The following HERC4 variants were observed in gnomAD, a reference collection of about 807,000 sequenced individuals.
HERC4 encodes the protein HECT and RLD domain containing E3 ubiquitin protein ligase 4.
HERC4 carries 28 observed loss-of-function variants against 124.3 expected under a neutral mutation model. The ratio of observed to expected loss-of-function variants is 0.23; its 90% CI spans 0.17 to 0.31. The LOEUF (loss-of-function observed/expected upper bound fraction) is 0.31, where lower values mean the gene tolerates loss of function less well. HERC4 is among the 10% of genes least tolerant of loss of function. The probability of loss-of-function intolerance (pLI) is 1.00; values close to 1 mark genes in which losing one functional copy is unlikely to be tolerated. For synonymous variants in HERC4, 407 were observed against 421.5 expected, an observed-to-expected ratio of 0.97 and a Z score of 0.42; for missense variants, 713 against 1,229.3, an observed-to-expected ratio of 0.58 and a Z score of 6.28.
intron 9 of HERC4, among the ~76,000 whole-genome samples, chr10:68,012,731 T>C (rs113747738): frequency 0.014 from 2,166 of 152,250 alleles, 53 homozygotes; most frequent in African/African-American, 0.049. Context: ...AGTGAGCATA[T>C]ATGCTGTTGG....
chr10:68,072,731 C>A (rs1246368715), intron 3 of HERC4, 152 bp downstream of exon 3: 1 of 545,986 alleles, frequency 1.8e-6, no homozygotes, highest in Non-Finnish European at 3.1e-6. Context: ...TAGAACCATA[C>A]AAATATACAC....
intron 3 of HERC4, among the ~76,000 whole-genome samples, chr10:68,046,029 G>A (rs10509293): frequency 0.095 from 14,287 of 150,802 alleles, 908 homozygotes; most frequent in Middle Eastern, 0.18. Context: ...AGTACATGAA[G>A]TTTATTACAC....
intron 9 of HERC4, among the ~76,000 whole-genome samples, chr10:68,013,093 G>A (rs2038064555): frequency 1.3e-5 from 2 of 152,172 alleles, no homozygotes; most frequent in Non-Finnish European, 2.9e-5. Flanking sequence ...GGGCAACCCT[G>A]CATAGAACAA....
At chr10:67,988,929 G>A (rs1196698884) in intron 14 of HERC4, 94 bp from the exon 15 acceptor site, 3 of 970,104 alleles carry the variant, frequency 3.1e-6, no homozygotes, top group Non-Finnish European at 4.8e-6. Flanking sequence ...AACAGTAGTT[G>A]TTAAACCTGA....
At chr10:67,997,318 T>C (rs1255688984) in intron 9 of HERC4, among the ~76,000 whole-genome samples, 1 of 152,250 alleles carries the variant, frequency 6.6e-6, no homozygotes, top group Non-Finnish European at 1.5e-5. Flanking sequence ...TAATATTCTA[T>C]GCTTTATGTT....
intron 3 of HERC4, chr10:68,068,104 T>C (rs1018120742): frequency 2.0e-5 from 3 of 152,084 alleles, no homozygotes; most frequent in Admixed American, 6.6e-5. Flanking sequence ...TCCCAGCAAT[T>C]TGGGGAAGCC....
At chr10:68,035,915 T>C (rs1382791641) in intron 5 of HERC4, among the ~76,000 whole-genome samples, 1 of 152,184 alleles carries the variant, frequency 6.6e-6, no homozygotes, top group African/African-American at 2.4e-5. Flanking sequence ...CTTATCATAG[T>C]ATGTAATTAT....
intron 23 of HERC4, among the ~76,000 whole-genome samples, chr10:67,931,624 C>CA (rs1352372837): frequency 6.6e-6 from 1 of 151,944 alleles, no homozygotes; most frequent in African/African-American, 2.4e-5. Flanking sequence ...GAGGTTTCAC[C>CA]ATGTTGGCAA....
chr10:68,042,777 ACT>A (rs756581643), intron 4 of HERC4, among the ~76,000 whole-genome samples: 2 of 152,246 alleles, frequency 1.3e-5, no homozygotes, highest in African/African-American at 4.8e-5. Flanking sequence ...TAAAACCAAA[ACT>A]CTCTTGGCAC....
intron 16 of HERC4, among the ~76,000 whole-genome samples, chr10:67,962,757 C>T (rs2034604053): frequency 6.6e-6 from 1 of 151,984 alleles, no homozygotes; most frequent in Admixed American, 6.6e-5. Flanking sequence ...AGAATAGTAC[C>T]TAGAAAATGC....
At position 68,073,310 on chromosome 10, in the gene HERC4, A is replaced by C. The variant is rs559450251; in HGVS notation, c.-78-124T>G. 1.0e-5 allele frequency: 5 copies of C among 495,936 alleles called. No homozygotes were observed. The East Asian group carries it at 1.6e-4, about 16-fold the overall frequency. The allele number at this position is 495,936 out of a possible 1,614,324, so 30.7% of individuals were successfully genotyped here. On this transcript the variant is annotated intron_variant, in intron 2 of 24. Transcript: ENST00000373700. ...TTAAATATACTTTATAACATGCTAC[A>C]TAAGTATCATTCAGTTTCAAAAACC...
chr10:67,950,243 A>G (rs1034677270), intron 19 of HERC4, among the ~76,000 whole-genome samples: 3 of 151,860 alleles, frequency 2.0e-5, no homozygotes. Flanking sequence ...GCTTTTGACC[A>G]GTGCAGCCTG....
chr10:68,025,426 T>C (rs996026287), intron 8 of HERC4, 120 bp downstream of exon 8: 23 of 1,097,582 alleles, frequency 2.1e-5, no homozygotes, highest in Non-Finnish European at 2.7e-5. Context: ...AGTGGCAAAA[T>C]AGGTATTTGG....
chr10:67,940,832 A>T, intron 20 of HERC4, 107 bp downstream of exon 20: 1 of 978,804 alleles, frequency 1.0e-6, no homozygotes, highest in Non-Finnish European at 1.5e-6. Flanking sequence ...TCAGAAATTT[A>T]ACAAGAAGAA....
chr10:68,054,772 A>G (rs1474925548), intron 3 of HERC4, among the ~76,000 whole-genome samples: 2 of 152,152 alleles, frequency 1.3e-5, no homozygotes, highest in African/African-American at 4.8e-5. Context: ...AAATAATTAC[A>G]TTGCTATTTT....
At chr10:68,010,076 CTT>C in intron 9 of HERC4, 1 of 614,676 alleles carries the variant, frequency 1.6e-6, no homozygotes, top group Non-Finnish European at 2.9e-6. Context: ...TGCCCCCACC[CTT>C]TGTGTTCCCA....
At chr10:68,038,071 T>C (rs200504485) in intron 5 of HERC4, 22 bp downstream of exon 5, 44 of 1,334,102 alleles carry the variant, frequency 3.3e-5, no homozygotes, top group Non-Finnish European at 4.1e-5. Flanking sequence ...TGAAGAGAAA[T>C]AAAATAAAAA....
intron 9 of HERC4, among the ~76,000 whole-genome samples, chr10:68,011,864 A>C (rs1160304154): frequency 6.6e-6 from 1 of 152,238 alleles, no homozygotes; most frequent in Non-Finnish European, 1.5e-5. Flanking sequence ...GCTATAAAAG[A>C]AAGTTGTAGA....
At chr10:67,988,522 G>T in intron 15 of HERC4, 141 bp downstream of exon 15, 1 of 542,892 alleles carries the variant, frequency 1.8e-6, no homozygotes, top group Non-Finnish European at 3.1e-6. Context: ...TTAAGAGAAA[G>T]TATAGATAAC....
Sources: allele counts gnomAD v4.1 joint callset (sites outside exome capture counted in the v4.1 genomes callset), GRCh38; gene constraint gnomAD v4.1.1; transcripts MANE v1.5; gene names NCBI Gene and HGNC (gene_info 2026-07-23, HGNC 2026-07-21).